The following NEK11 variants were observed in gnomAD, a reference collection of about 807,000 sequenced individuals.
NEK11 encodes serine/threonine-protein kinase Nek11.
In NEK11, 72 loss-of-function variants were observed where a neutral mutation model predicts 80.7. That is an observed-to-expected ratio of 0.89 (90% CI 0.74 to 1.08). NEK11 has a LOEUF of 1.08. Among genes scored for constraint, NEK11 ranks in the 50% least tolerant of loss-of-function variants. The probability of loss-of-function intolerance (pLI) is 0.00; values close to 1 mark genes in which losing one functional copy is unlikely to be tolerated. For missense variants in NEK11, 764 were observed against 763.6 expected (o/e 1.00, Z -0.01); for synonymous variants, 251 against 260.7 (o/e 0.96, Z 0.36).
chr3:131,038,996 T>C (rs2066047659), intron 3 of NEK11, among the ~76,000 whole-genome samples: 1 of 152,246 alleles, frequency 6.6e-6, no homozygotes, highest in Non-Finnish European at 1.5e-5. Flanking sequence ...ATAATAAATG[T>C]AATTGGATAT....
intron 16 of NEK11, among the ~76,000 whole-genome samples, chr3:131,270,312 C>T (rs767776873): frequency 2.0e-5 from 3 of 152,208 alleles, no homozygotes; most frequent in Non-Finnish European, 4.4e-5. Context: ...AGCCTTACTA[C>T]TCAAAGTGTG....
intron 14 of NEK11, among the ~76,000 whole-genome samples, chr3:131,220,371 G>A (rs1276581332): frequency 1.0e-5 from 1 of 96,718 alleles, no homozygotes; most frequent in Non-Finnish European, 3.0e-5. Context: ...ATGAATTTGA[G>A]CAGTTTTTCA....
intron 3 of NEK11, among the ~76,000 whole-genome samples, chr3:131,059,489 G>A (rs1435361373): frequency 6.6e-6 from 1 of 152,114 alleles, no homozygotes; most frequent in Non-Finnish European, 1.5e-5. Context: ...ACCTGGTTTT[G>A]AACATGTAAT....
At chr3:131,093,327 GCTGCAAAACC>G (rs2076982464) in intron 4 of NEK11, among the ~76,000 whole-genome samples, 1 of 152,124 alleles carries the variant, frequency 6.6e-6, no homozygotes, top group Non-Finnish European at 1.5e-5. Flanking sequence ...GCATAATTTA[GCTGCAAAACC>G]CTCAATATAG....
intron 4 of NEK11, among the ~76,000 whole-genome samples, chr3:131,103,566 G>A (rs771437359): frequency 1.3e-5 from 2 of 152,178 alleles, no homozygotes; most frequent in African/African-American, 2.4e-5. Context: ...GCTCTGTGGT[G>A]CAGTGGCAAG....
chr3:131,290,452 T>C (rs943176056), intron 17 of NEK11, among the ~76,000 whole-genome samples: 10 of 152,224 alleles, frequency 6.6e-5, no homozygotes, highest in African/African-American at 2.4e-4. Context: ...ATGTTCTCCA[T>C]GGTGAAAATC....
At chr3:131,079,591 A>T (rs1283244638) in intron 3 of NEK11, among the ~76,000 whole-genome samples, 3 of 152,166 alleles carry the variant, frequency 2.0e-5, no homozygotes, top group African/African-American at 7.2e-5. Flanking sequence ...TGATTTGTTT[A>T]TCAGACTCTT....
At chr3:131,322,798 A>C (rs1435401930) in intron 17 of NEK11, among the ~76,000 whole-genome samples, 1 of 152,178 alleles carries the variant, frequency 6.6e-6, no homozygotes, top group Non-Finnish European at 1.5e-5. Flanking sequence ...TGTGGGTCAC[A>C]TACTGAGCAC....
At chr3:131,048,187 C>T in intron 3 of NEK11, among the ~76,000 whole-genome samples, 1 of 152,116 alleles carries the variant, frequency 6.6e-6, no homozygotes, top group Non-Finnish European at 1.5e-5. Context: ...GGGAACTTTC[C>T]CCAGGCCACC....
intron 7 of NEK11, among the ~76,000 whole-genome samples, chr3:131,141,222 A>G (rs978538145): frequency 3.9e-5 from 6 of 152,148 alleles, no homozygotes; most frequent in Non-Finnish European, 7.4e-5. Flanking sequence ...TGATAAACAT[A>G]TAAACAAACT....
chr3:131,152,798 T>A (rs1324581589), intron 9 of NEK11, 89 bp downstream of exon 9: 3 of 919,768 alleles, frequency 3.3e-6, no homozygotes, highest in Non-Finnish European at 5.1e-6. Flanking sequence ...GGGATATGAT[T>A]CAGTAAGAAT....
chr3:131,124,493 C>G (rs1444866370), intron 5 of NEK11, among the ~76,000 whole-genome samples: 1 of 152,016 alleles, frequency 6.6e-6, no homozygotes, highest in African/African-American at 2.4e-5. Flanking sequence ...GCCACATTCA[C>G]CCCCTACACC....
At chr3:131,116,100 A>T (rs1578503626) in intron 5 of NEK11, among the ~76,000 whole-genome samples, 1 of 151,760 alleles carries the variant, frequency 6.6e-6, no homozygotes, top group East Asian at 1.9e-4. Context: ...TACATTAGGT[A>T]TCTCTCCTAA....
intron 17 of NEK11, among the ~76,000 whole-genome samples, chr3:131,274,422 T>G (rs2096256577): frequency 1.4e-5 from 2 of 147,332 alleles, no homozygotes; most frequent in Admixed American, 1.3e-4. Flanking sequence ...TAAACATACG[T>G]GTGCATGTGT....
At chr3:131,278,492 T>C (rs182134757) in intron 17 of NEK11, among the ~76,000 whole-genome samples, 49 of 152,336 alleles carry the variant, frequency 3.2e-4, no homozygotes, top group Non-Finnish European at 1.0e-4. Context: ...TGTGGCTCCA[T>C]GGTCCTCCTG....
At chr3:131,261,627 TA>T (rs1264622499) in intron 16 of NEK11, among the ~76,000 whole-genome samples, 1 of 152,138 alleles carries the variant, frequency 6.6e-6, no homozygotes, top group Non-Finnish European at 1.5e-5. Context: ...GTGAGAGAAC[TA>T]AAAGAATAAC....
chr3:131,115,809 C>T lies in NEK11; in HGVS notation c.455+5888C>T, dbSNP rs560673340. ...ACAGGGCTGGGCACTTACTCCAAGA[C>T]GGCTTCCTCATCACCTCACTGCCCA... On this transcript the variant is annotated intron_variant, in intron 5 of 17. Transcript: ENST00000383366. Among the ~76,000 whole-genome samples, 14 of 152,260 alleles carry T rather than the reference C, an allele frequency of 9.2e-5. No individual in the cohort carries two copies. The South Asian group carries it at 2.7e-3, about 29-fold the overall frequency.
intron 17 of NEK11, among the ~76,000 whole-genome samples, chr3:131,278,983 A>T (rs1431930265): frequency 6.6e-6 from 1 of 152,122 alleles, no homozygotes; most frequent in Non-Finnish European, 1.5e-5. Context: ...TTGTTACCAG[A>T]ATGTGAGTTG....
At chr3:131,254,081 C>T (rs12106964) in intron 16 of NEK11, among the ~76,000 whole-genome samples, 6,377 of 152,148 alleles carry the variant, frequency 0.042, 429 homozygotes, top group African/African-American at 0.14. Flanking sequence ...GAATCTGTTG[C>T]GTTCTTTGGA....
Sources: gnomAD v4.1 joint callset for allele counts (sites outside exome capture counted in the v4.1 genomes callset) on GRCh38, gnomAD v4.1.1 for gene constraint, MANE v1.5 for transcripts, NCBI Gene and HGNC (gene_info 2026-07-23, HGNC 2026-07-21) for gene names.